The following MLLT3 variants were observed in gnomAD, a reference collection of about 807,000 sequenced individuals.
MLLT3 encodes protein AF-9.
A neutral mutation model predicts 53.2 loss-of-function variants in MLLT3; 4 were observed. That is an observed-to-expected ratio of 0.08 (90% CI 0.04 to 0.17). The LOEUF (loss-of-function observed/expected upper bound fraction) is 0.17, where lower values mean the gene tolerates loss of function less well. Ranked by LOEUF, MLLT3 falls within the 10% of genes least tolerant of loss-of-function variation. The probability of loss-of-function intolerance (pLI) is 1.00; values close to 1 mark genes in which losing one functional copy is unlikely to be tolerated. For synonymous variants in MLLT3, 283 were observed against 230.6 expected, an observed-to-expected ratio of 1.23 and a Z score of -2.06; for missense variants, 569 against 684.0, an observed-to-expected ratio of 0.83 and a Z score of 1.87.
chr9:20,458,586 G>C (rs1260640441), intron 2 of MLLT3, among the ~76,000 whole-genome samples: 1 of 152,118 alleles, frequency 6.6e-6, no homozygotes, highest in African/African-American at 2.4e-5. Flanking sequence ...TCATGAATGG[G>C]ATTAGCACCC....
intron 2 of MLLT3, among the ~76,000 whole-genome samples, chr9:20,534,710 C>T (rs1243657740): frequency 2.0e-5 from 3 of 152,044 alleles, no homozygotes; most frequent in Admixed American, 6.6e-5. Context: ...CACAGTGAAA[C>T]CCTGTCTCTA....
At chr9:20,402,517 G>A (rs570779606) in intron 5 of MLLT3, among the ~76,000 whole-genome samples, 8 of 152,094 alleles carry the variant, frequency 5.3e-5, no homozygotes, top group African/African-American at 1.2e-4. Context: ...GGTTTCGTCC[G>A]CTGAGAACAG....
intron 2 of MLLT3, among the ~76,000 whole-genome samples, chr9:20,524,730 C>T (rs1818155106): frequency 6.6e-6 from 1 of 152,148 alleles, no homozygotes; most frequent in Non-Finnish European, 1.5e-5. Flanking sequence ...ACCTGTTCCC[C>T]ATTCCCTTCA....
chr9:20,363,423 G>A, intron 7 of MLLT3, 53 bp downstream of exon 7: 1 of 1,601,962 alleles, frequency 6.2e-7, no homozygotes, highest in Non-Finnish European at 8.5e-7. Context: ...AGCAGGGCTT[G>A]TGAAAGAGTC....
chr9:20,612,530 T>A (rs1432484138), intron 2 of MLLT3, among the ~76,000 whole-genome samples: 1 of 151,610 alleles, frequency 6.6e-6, no homozygotes, highest in Non-Finnish European at 1.5e-5. Context: ...AAAGATACCA[T>A]AAATCAAGAT....
At chr9:20,358,899 G>A (rs1236495378) in intron 8 of MLLT3, among the ~76,000 whole-genome samples, 1 of 152,046 alleles carries the variant, frequency 6.6e-6, no homozygotes, top group East Asian at 1.9e-4. Flanking sequence ...GCTCATGCCT[G>A]TAATCCCAGC....
intron 2 of MLLT3, among the ~76,000 whole-genome samples, chr9:20,537,612 A>T (rs1289783610): frequency 6.6e-6 from 1 of 152,194 alleles, no homozygotes; most frequent in Non-Finnish European, 1.5e-5. Flanking sequence ...CTTGGTTCCA[A>T]TGTGAATTTT....
At chr9:20,373,044 G>A (rs1050151650) in intron 5 of MLLT3, among the ~76,000 whole-genome samples, 2 of 152,120 alleles carry the variant, frequency 1.3e-5, no homozygotes, top group African/African-American at 4.8e-5. Flanking sequence ...TACATATGCT[G>A]AAGTATCTTA....
intron 2 of MLLT3, among the ~76,000 whole-genome samples, chr9:20,556,794 T>C (rs1587066191): frequency 6.6e-6 from 1 of 152,310 alleles, no homozygotes; most frequent in South Asian, 2.1e-4. Context: ...CTGATTTTTT[T>C]AATGAATGGT....
rs140353021 is a variant in MLLT3 at position 20,342,830 on chromosome 9, A to ATGTG, written c.*3609_*3612dup. The ATGTG allele has an allele frequency of 0.14, 19,742 of 145,636 alleles. 1,202 individuals carry two copies. The highest frequency in any genetic ancestry group is 0.19 in the East Asian group (1,226 of 6,494). 9.0% of individuals were successfully genotyped at this position (145,636 alleles called of 1,614,324 possible). ...AAGCAAGATTACTCTGATAATATAT[A>ATGTG]TGTGTATATATATATATATATGTAT... On this transcript the variant is annotated 3_prime_UTR_variant, in exon 11 of 11. Coordinates refer to ENST00000380338, the MANE Select transcript of MLLT3 (RefSeq NM_004529.4).
chr9:20,553,661 A>G (rs534367471), intron 2 of MLLT3, among the ~76,000 whole-genome samples: 16 of 152,304 alleles, frequency 1.1e-4, no homozygotes, highest in Admixed American at 8.5e-4. Flanking sequence ...ATATTATTCT[A>G]CTATTCACTG....
intron 2 of MLLT3, among the ~76,000 whole-genome samples, chr9:20,569,967 C>T (rs1339482287): frequency 6.6e-6 from 1 of 152,184 alleles, no homozygotes; most frequent in Non-Finnish European, 1.5e-5. Context: ...TTGCCCCCAG[C>T]TGGCCCAAAC....
At chr9:20,493,674 A>T (rs1339836053) in intron 2 of MLLT3, among the ~76,000 whole-genome samples, 1 of 152,106 alleles carries the variant, frequency 6.6e-6, no homozygotes, top group East Asian at 1.9e-4. Flanking sequence ...ATGAGACATC[A>T]AAAACAATGT....
At chr9:20,609,942 G>A (rs1303173845) in intron 2 of MLLT3, among the ~76,000 whole-genome samples, 5 of 152,008 alleles carry the variant, frequency 3.3e-5, no homozygotes, top group Non-Finnish European at 5.9e-5. Flanking sequence ...TACTCCACAT[G>A]TCTATTGTCT....
chr9:20,614,162 A>C (rs1820766892), intron 2 of MLLT3, among the ~76,000 whole-genome samples: 1 of 152,234 alleles, frequency 6.6e-6, no homozygotes, highest in African/African-American at 2.4e-5. Context: ...TGGAAGGCCA[A>C]GGCGGGAGGA....
chr9:20,404,492 A>G (rs1227702453), intron 5 of MLLT3, among the ~76,000 whole-genome samples: 1 of 152,156 alleles, frequency 6.6e-6, no homozygotes, highest in Admixed American at 6.5e-5. Flanking sequence ...TCTACTACAA[A>G]GCTAAACCTG....
At chr9:20,595,217 A>G (rs897183478) in intron 2 of MLLT3, among the ~76,000 whole-genome samples, 1 of 152,044 alleles carries the variant, frequency 6.6e-6, no homozygotes, top group Non-Finnish European at 1.5e-5. Context: ...AAAAGAAAAA[A>G]TTAGCCAGGC....
chr9:20,514,166 T>C (rs1008296404), intron 2 of MLLT3, among the ~76,000 whole-genome samples: 6 of 152,138 alleles, frequency 3.9e-5, no homozygotes, highest in Admixed American at 3.3e-4. Context: ...TATGGAAGTG[T>C]AGGGGTGTAC....
At chr9:20,445,934 G>C (rs539136398) in intron 4 of MLLT3, among the ~76,000 whole-genome samples, 1 of 152,138 alleles carries the variant, frequency 6.6e-6, no homozygotes, top group Non-Finnish European at 1.5e-5. Flanking sequence ...TCATAAGTTA[G>C]TAACACCATG....
Sources: allele counts gnomAD v4.1 joint callset (sites outside exome capture counted in the v4.1 genomes callset), GRCh38; gene constraint gnomAD v4.1.1; transcripts MANE v1.5; gene names NCBI Gene and HGNC (gene_info 2026-07-23, HGNC 2026-07-21).